ARHGAP6: variants seen among roughly 807,000 people sequenced by gnomAD.
ARHGAP6 encodes the protein rho GTPase-activating protein 6.
Under a neutral mutation model 55.7 loss-of-function variants are expected in ARHGAP6, and 16 were observed. The ratio of observed to expected loss-of-function variants is 0.29; its 90% CI spans 0.19 to 0.44. The LOEUF (loss-of-function observed/expected upper bound fraction) is 0.44, where lower values mean the gene tolerates loss of function less well. ARHGAP6 is among the 20% of genes least tolerant of loss of function. The pLI is 1.00. For synonymous variants in ARHGAP6, 382 were observed against 360.9 expected (o/e 1.06, Z -0.66); for missense variants, 698 against 808.9 (o/e 0.86, Z 1.66).
intron 1 of ARHGAP6, among the ~76,000 whole-genome samples, chrX:11,400,203 A>T (rs928965858): frequency 9.0e-6 from 1 of 111,648 alleles, no homozygotes; most frequent in Non-Finnish European, 1.9e-5. Context: ...TACACTTTTA[A>T]AAAGGGGAAT....
chrX:11,449,792 T>C (rs2050126398), intron 1 of ARHGAP6, among the ~76,000 whole-genome samples: 1 of 111,846 alleles, frequency 8.9e-6, no homozygotes, highest in African/African-American at 3.3e-5. Flanking sequence ...CTGGATGATT[T>C]GTAGCTGACT....
intron 2 of ARHGAP6, among the ~76,000 whole-genome samples, chrX:11,236,499 G>T (rs2047203631): frequency 1.8e-5 from 2 of 111,574 alleles, no homozygotes; most frequent in Non-Finnish European, 3.8e-5. Context: ...CTATTTCAGG[G>T]ATGTGACAGT....
intron 1 of ARHGAP6, among the ~76,000 whole-genome samples, chrX:11,381,697 C>T (rs894616624): frequency 4.5e-5 from 5 of 112,050 alleles, no homozygotes; most frequent in African/African-American, 1.3e-4. Flanking sequence ...ATTTGTCAGA[C>T]GTGCGTTACA....
At chrX:11,624,365 A>C (rs974367465) in intron 1 of ARHGAP6, among the ~76,000 whole-genome samples, 7 of 112,482 alleles carry the variant, frequency 6.2e-5, no homozygotes, top group African/African-American at 2.3e-4. Context: ...CAAAGCAAAA[A>C]TTGACAAATC....
chrX:11,465,779 T>C (rs953728822), intron 1 of ARHGAP6, among the ~76,000 whole-genome samples: 1 of 112,169 alleles, frequency 8.9e-6, no homozygotes. Flanking sequence ...AATTCATCAG[T>C]CACATGAGCC....
At chrX:11,358,431 A>ATCTATCTT (rs1421816647) in intron 1 of ARHGAP6, among the ~76,000 whole-genome samples, 4 of 72,503 alleles carry the variant, frequency 5.5e-5, no homozygotes, top group South Asian at 8.3e-4. Context: ...TTTTAACTGT[A>ATCTATCTT]TCTTTCTTTC....
At chrX:11,314,364 ACTT>A (rs2048331829) in intron 1 of ARHGAP6, among the ~76,000 whole-genome samples, 1 of 112,037 alleles carries the variant, frequency 8.9e-6, no homozygotes, top group Admixed American at 9.5e-5. Context: ...TCATAACAGA[ACTT>A]CTGATGTCAA....
chrX:11,410,679 C>A (rs1271253886), intron 1 of ARHGAP6, among the ~76,000 whole-genome samples: 1 of 111,818 alleles, frequency 8.9e-6, no homozygotes, highest in Non-Finnish European at 1.9e-5. Context: ...TGATGCTATA[C>A]CTTGAGTTTA....
intron 1 of ARHGAP6, among the ~76,000 whole-genome samples, chrX:11,636,225 T>C (rs1291859643): frequency 1.8e-5 from 2 of 111,547 alleles, no homozygotes; most frequent in South Asian, 7.4e-4. Flanking sequence ...ACAAATTATA[T>C]GAACACCCTA....
At chrX:11,628,659 C>T (rs1243288122) in intron 1 of ARHGAP6, among the ~76,000 whole-genome samples, 1 of 112,061 alleles carries the variant, frequency 8.9e-6, no homozygotes, top group African/African-American at 3.2e-5. Context: ...TAATAATAGC[C>T]ATTTCCTCCA....
At chrX:11,483,292 T>C (rs1044398966) in intron 1 of ARHGAP6, among the ~76,000 whole-genome samples, 2 of 112,025 alleles carry the variant, frequency 1.8e-5, no homozygotes, top group African/African-American at 6.5e-5. Flanking sequence ...TGCCGAGCCA[T>C]GATTGTTGTA....
intron 1 of ARHGAP6, among the ~76,000 whole-genome samples, chrX:11,550,977 T>C (rs777317777): frequency 8.9e-6 from 1 of 111,804 alleles, no homozygotes; most frequent in Non-Finnish European, 1.9e-5. Context: ...CAGTAGAGCA[T>C]ATCTAAGATA....
At chrX:11,191,076 C>G (rs978189878) in intron 3 of ARHGAP6, among the ~76,000 whole-genome samples, 3 of 112,463 alleles carry the variant, frequency 2.7e-5, no homozygotes. Context: ...CTCAAGAGCT[C>G]AAAAAAATTA....
chrX:11,214,777 T>C (rs2046855309), intron 2 of ARHGAP6, among the ~76,000 whole-genome samples: 2 of 113,143 alleles, frequency 1.8e-5, no homozygotes, highest in South Asian at 7.2e-4. Flanking sequence ...CTGGCTGCTC[T>C]CAAGAGAACC....
intron 1 of ARHGAP6, among the ~76,000 whole-genome samples, chrX:11,652,726 G>T (rs2052598388): frequency 9.0e-6 from 1 of 111,586 alleles, no homozygotes. Flanking sequence ...CAGTTCCATG[G>T]AGAATTTTTA....
chrX:11,442,313 TA>T (rs777850004), intron 1 of ARHGAP6, among the ~76,000 whole-genome samples: 1,025 of 99,904 alleles, frequency 0.01, 15 homozygotes, highest in African/African-American at 0.033. Context: ...ACCCTCTTCT[TA>T]AAAAAAAAAA....
chrX:11,206,084 C>T (rs2046700767), intron 2 of ARHGAP6, among the ~76,000 whole-genome samples: 2 of 111,750 alleles, frequency 1.8e-5, no homozygotes, highest in African/African-American at 3.2e-5. Flanking sequence ...AAGGGGGAAT[C>T]GTCCTTTAAG....
chrX:11,349,147 A>ATTGGTGGGGGATTGAAAACTTATATTT (rs2048825211), intron 1 of ARHGAP6, among the ~76,000 whole-genome samples: 1 of 109,233 alleles, frequency 9.2e-6, no homozygotes, highest in Admixed American at 9.9e-5. Flanking sequence ...GCATTTTACT[A>ATTGGTGGGGGATTGAAAACTTATATTT]TTGGTGGGGG....
chrX:11,280,526 G>A (rs2047841153), intron 1 of ARHGAP6, among the ~76,000 whole-genome samples: 1 of 110,673 alleles, frequency 9.0e-6, no homozygotes, highest in Admixed American at 9.7e-5. Context: ...CACAGATAAT[G>A]GTAATAGCAA....
Sources: allele counts gnomAD v4.1 joint callset (sites outside exome capture counted in the v4.1 genomes callset), GRCh38; gene constraint gnomAD v4.1.1; transcripts MANE v1.5; gene names NCBI Gene and HGNC (gene_info 2026-07-23, HGNC 2026-07-21).